Variants in PRKN observed in about 807,000 individuals in gnomAD.
The protein encoded by PRKN is E3 ubiquitin-protein ligase parkin.
A neutral mutation model predicts 59.5 loss-of-function variants in PRKN; 56 were observed. The observed-to-expected ratio is 0.94, with a 90% CI of 0.76 to 1.18. PRKN has a LOEUF of 1.18. PRKN is among the 50% of genes most tolerant of loss of function. The pLI, the probability that PRKN is intolerant of heterozygous loss-of-function variation, is 0.00. For synonymous variants in PRKN, 250 were observed against 222.1 expected (o/e 1.13, Z -1.12); for missense variants, 657 against 596.4 (o/e 1.10, Z -1.06).
At chr6:162,305,908 A>G (rs1001308355) in intron 2 of PRKN, among the ~76,000 whole-genome samples, 4 of 152,066 alleles carry the variant, frequency 2.6e-5, no homozygotes, top group African/African-American at 9.7e-5. Flanking sequence ...TATACATGTT[A>G]ATGTCATGTT....
In PRKN at chr6:161,902,564, A is replaced by ATCTATTTTTTTTTTTTTTTTTT. The variant is rs1242030157; in HGVS notation, c.734+70737_734+70738insAAAAAAAAAAAAAAAAAATAGA. Among the ~76,000 whole-genome samples the ATCTATTTTTTTTTTTTTTTTTT allele has an allele frequency of 2.1e-4, 23 of 112,042 alleles. 2 individuals are homozygous for ATCTATTTTTTTTTTTTTTTTTT. The highest frequency in any genetic ancestry group is 4.1e-4 in the Admixed American group (4 of 9,754). 73.5% of individuals were successfully genotyped at this position (112,042 alleles called of 152,430 possible). A position where few individuals can be genotyped will look rare whatever the true frequency, so the allele number is the denominator to read the frequency against. On this transcript the variant is annotated intron_variant, in intron 6 of 11. Transcript: ENST00000366898. Reference sequence around the variant, plus strand: ...TATCTATCTATTTATTTATTTATTTATTTTTTTTTTTTTGCGACAGAGTCT... The same window carrying ATCTATTTTTTTTTTTTTTTTTT: ...TATCTATCTATTTATTTATTTATTTATCTATTTTTTTTTTTTTTTTTTTTTTTTTTTTTTTGCGACAGAGTCT...
intron 2 of PRKN, among the ~76,000 whole-genome samples, chr6:162,324,863 A>C (rs891701279): frequency 6.6e-6 from 1 of 152,144 alleles, no homozygotes. Flanking sequence ...GTCTCACATG[A>C]ACCAATGGCA....
At chr6:162,202,037 A>C (rs1784751654) in intron 3 of PRKN, among the ~76,000 whole-genome samples, 1 of 152,192 alleles carries the variant, frequency 6.6e-6, no homozygotes. Context: ...CTTTATTCAG[A>C]AGCACTTACC....
intron 6 of PRKN, among the ~76,000 whole-genome samples, chr6:161,883,691 C>A (rs751445310): frequency 2.0e-5 from 3 of 151,862 alleles, no homozygotes; most frequent in Non-Finnish European, 4.4e-5. Flanking sequence ...ACTCTGTCGC[C>A]CAGGCCAGAG....
chr6:162,203,562 C>T (rs909486706), intron 3 of PRKN, among the ~76,000 whole-genome samples: 1 of 152,164 alleles, frequency 6.6e-6, no homozygotes, highest in East Asian at 1.9e-4. Context: ...GTGACCTGGA[C>T]AGGCATGAAA....
intron 2 of PRKN, among the ~76,000 whole-genome samples, chr6:162,354,182 C>T (rs1583428997): frequency 6.6e-6 from 1 of 152,120 alleles, no homozygotes; most frequent in African/African-American, 2.4e-5. Context: ...AAGGTATACA[C>T]ACCATTCCTT....
intron 7 of PRKN, among the ~76,000 whole-genome samples, chr6:161,720,200 C>T (rs1787162605): frequency 6.6e-6 from 1 of 152,180 alleles, no homozygotes; most frequent in African/African-American, 2.4e-5. Flanking sequence ...TAATAAAAAA[C>T]ATTATCAACA....
intron 7 of PRKN, among the ~76,000 whole-genome samples, chr6:161,763,306 A>C (rs1789281425): frequency 6.6e-6 from 1 of 152,082 alleles, no homozygotes; most frequent in Admixed American, 6.5e-5. Flanking sequence ...GGTGATGTAG[A>C]TGCATGGAGA....
At chr6:162,491,665 G>C (rs1424997947) in intron 1 of PRKN, among the ~76,000 whole-genome samples, 5 of 152,190 alleles carry the variant, frequency 3.3e-5, no homozygotes, top group African/African-American at 1.2e-4. Context: ...CAGGGGGTCA[G>C]GCTTGACTAG....
At chr6:161,959,409 C>T (rs556147509) in intron 6 of PRKN, among the ~76,000 whole-genome samples, 4 of 152,228 alleles carry the variant, frequency 2.6e-5, no homozygotes, top group South Asian at 4.2e-4. Context: ...TGGAGAAGTC[C>T]GCCCATAACA....
rs781253685 is a variant in PRKN, at chr6:161,470,186, T to C, written c.1083+78668A>G. On this transcript the variant is annotated intron_variant, in intron 9 of 11. Transcript: ENST00000366898. The surrounding 1 kb of genome is among the most constrained non-coding windows in gnomAD (Gnocchi z 5.1). ...CCTAGACAGTCTGAGCCTTGTAACC[T>C]ACACTAAAATAATGGTGTACAGTCT... Among the ~76,000 whole-genome samples, 2 of 152,250 alleles carry C rather than the reference T, an allele frequency of 1.3e-5. No homozygotes were observed. The highest frequency in any genetic ancestry group is 2.4e-5 in the African/African-American group (1 of 41,474).
chr6:162,342,741 A>C (rs1784236814), intron 2 of PRKN, among the ~76,000 whole-genome samples: 1 of 152,276 alleles, frequency 6.6e-6, no homozygotes, highest in East Asian at 1.9e-4. Flanking sequence ...CAGACATAGA[A>C]ACTAGAGTGA....
chr6:161,754,430 C>T (rs746262223), intron 7 of PRKN, among the ~76,000 whole-genome samples: 6 of 151,902 alleles, frequency 3.9e-5, no homozygotes, highest in Non-Finnish European at 7.4e-5. Flanking sequence ...GGGAAGTGCA[C>T]GGGCCATGGC....
chr6:162,295,778 T>G (rs966353650), intron 2 of PRKN, among the ~76,000 whole-genome samples: 1 of 152,128 alleles, frequency 6.6e-6, no homozygotes, highest in African/African-American at 2.4e-5. Context: ...ACGCTTGCCC[T>G]TGGAGTTTAT....
intron 7 of PRKN, among the ~76,000 whole-genome samples, chr6:161,617,252 G>A (rs1782732008): frequency 1.3e-5 from 2 of 151,936 alleles, no homozygotes; most frequent in African/African-American, 4.8e-5. Context: ...TTTTTGATGG[G>A]GTTGATTTTT....
chr6:162,136,075 AT>A (rs990288324), intron 4 of PRKN, among the ~76,000 whole-genome samples: 7 of 150,694 alleles, frequency 4.6e-5, no homozygotes, highest in African/African-American at 1.7e-4. Context: ...TACTTTCTAA[AT>A]TTCTGTTAAA....
At chr6:161,645,798 T>C (rs1271420565) in intron 7 of PRKN, among the ~76,000 whole-genome samples, 1 of 152,284 alleles carries the variant, frequency 6.6e-6, no homozygotes, top group Non-Finnish European at 1.5e-5. Context: ...AAAGTCATTA[T>C]ACAGATGAAA....
At chr6:162,367,947 G>A (rs2128135866) in intron 2 of PRKN, among the ~76,000 whole-genome samples, 1 of 152,274 alleles carries the variant, frequency 6.6e-6, no homozygotes, top group South Asian at 2.1e-4. Context: ...AAACCACCAA[G>A]GCACTGCCTC....
At chr6:162,193,833 T>A (rs1484720727) in intron 4 of PRKN, among the ~76,000 whole-genome samples, 1 of 152,138 alleles carries the variant, frequency 6.6e-6, no homozygotes, top group African/African-American at 2.4e-5. Context: ...CCCCTCAGTG[T>A]ACAACTGCCT....
Sources: allele counts gnomAD v4.1 joint callset (sites outside exome capture counted in the v4.1 genomes callset), GRCh38; gene constraint gnomAD v4.1.1; non-coding constraint Gnocchi (gnomAD v3.1); transcripts MANE v1.5; gene names NCBI Gene and HGNC (gene_info 2026-07-23, HGNC 2026-07-21).